Variants in IFT27 observed in about 807,000 individuals in gnomAD.
IFT27 encodes intraflagellar transport 27.
IFT27 carries 19 observed loss-of-function variants against 23.9 expected under a neutral mutation model. The observed-to-expected ratio is 0.79, with a 90% CI of 0.55 to 1.16. The LOEUF (loss-of-function observed/expected upper bound fraction) is 1.16. IFT27 is among the 50% of genes most tolerant of loss of function. The pLI, the probability that IFT27 is intolerant of heterozygous loss-of-function variation, is 0.00. For synonymous variants in IFT27, 91 were observed against 89.1 expected (o/e 1.02, Z -0.12); for missense variants, 206 against 228.7 (o/e 0.90, Z 0.64).
chr22:36,771,114 G>A (rs553043214), intron 1 of IFT27, among the ~76,000 whole-genome samples: 168 of 152,214 alleles, frequency 1.1e-3, no homozygotes, highest in African/African-American at 3.6e-3. Flanking sequence ...AGGAAACAGC[G>A]CCAGCGGGCA....
At chr22:36,768,712 C>CTTTG (rs1240595126) in intron 1 of IFT27, among the ~76,000 whole-genome samples, 2 of 152,236 alleles carry the variant, frequency 1.3e-5, no homozygotes, top group African/African-American at 4.8e-5. Context: ...CCCTGCCCAT[C>CTTTG]TTTAATTCCC....
chr22:36,766,379 CAG>C (rs1403903384), intron 3 of IFT27, 182 bp from the exon 4 acceptor site: 23 of 610,724 alleles, frequency 3.8e-5, no homozygotes, highest in Non-Finnish European at 6.2e-5. Flanking sequence ...GAGCGAACTC[CAG>C]AGTCTTAGAG....
At position 36,767,821 on chromosome 22, in the gene IFT27, G is replaced by A. The variant is rs956842146; in HGVS notation, c.76C>T (p.Arg26Cys). The change falls in exon 2 of 7, where the codon CGC becomes TGC. Residue 26 changes from arginine (R) to cysteine (C), a missense_variant. By Grantham distance (180) the Arg-to-Cys change is radical. Coordinates refer to ENST00000433985, the MANE Select transcript of IFT27 (RefSeq NM_001177701.3). Reference protein sequence around the residue: ...VGKTALAQIFRSDGAHFQKSY... With the variant: ...VGKTALAQIFCSDGAHFQKSY... ...TTCTGGAAATGGGCTCCATCACTGC[G>A]GAAGATCTGTGCCAGGGCGGTCTTG... The A allele has an allele frequency of 1.2e-5, 20 of 1,614,174 alleles. No homozygotes were observed. Among genetic ancestry groups the A allele is most frequent in the Middle Eastern group, 3.3e-4 (2 of 6,062 alleles).
intron 6 of IFT27, chr22:36,758,641 G>A: frequency 1.8e-6 from 1 of 550,626 alleles, no homozygotes; most frequent in Non-Finnish European, 3.3e-6. Context: ...CTTGTGAATG[G>A]TGGAGCTGGG....
intron 1 of IFT27, among the ~76,000 whole-genome samples, chr22:36,774,449 G>A (rs574349036): frequency 6.6e-6 from 1 of 152,290 alleles, no homozygotes; most frequent in South Asian, 2.1e-4. Context: ...CTGAAATCCT[G>A]CATAGGGCCT....
chr22:36,775,771 G>A lies in IFT27; in HGVS notation c.-64C>T. 1.3e-6 allele frequency: 2 copies of A among 1,560,782 alleles called. No homozygotes were observed. Among genetic ancestry groups the A allele is most frequent in the South Asian group, 2.2e-5 (2 of 90,036 alleles). On this transcript the variant is annotated 5_prime_UTR_variant, in exon 1 of 7. Coordinates refer to ENST00000433985, the MANE Select transcript of IFT27 (RefSeq NM_001177701.3). Reference sequence around the variant, plus strand: ...GAGCGGCTGCTAGAGACGCGAGTGGGTGGGCTTCGGGCCCTGGGCTGGCCT... The same window carrying A: ...GAGCGGCTGCTAGAGACGCGAGTGGATGGGCTTCGGGCCCTGGGCTGGCCT...
intron 1 of IFT27, among the ~76,000 whole-genome samples, chr22:36,770,330 G>T (rs967151536): frequency 6.6e-6 from 1 of 152,104 alleles, no homozygotes; most frequent in East Asian, 1.9e-4. Flanking sequence ...TGGCCTCAGT[G>T]ACCCTGCCCT....
At chr22:36,773,254 G>A (rs968946510) in intron 1 of IFT27, among the ~76,000 whole-genome samples, 2 of 152,186 alleles carry the variant, frequency 1.3e-5, no homozygotes, top group Admixed American at 6.5e-5. Flanking sequence ...GGCTGCTCGG[G>A]AGGCTGAGGC....
Position 36,763,914 on chromosome 22 carries a change from C to T in IFT27, c.352+5G>A, listed in dbSNP as rs369205589. On this transcript the variant is annotated splice_donor_5th_base_variant and intron_variant, in intron 5 of 6. Coordinates refer to ENST00000433985, the MANE Select transcript of IFT27 (RefSeq NM_001177701.3). ...CTGGGAAACATGGGTGTCTGCAGCC[C>T]GTACCTGGGAGAGAGATGCCTGGAG... The T allele has an allele frequency of 1.2e-4, 198 of 1,596,908 alleles. 2 individuals are homozygous for T. The South Asian group carries it at 1.3e-3, about 10-fold the overall frequency.
chr22:36,763,434 C>T (rs1198947004), intron 5 of IFT27: 1 of 266,154 alleles, frequency 3.8e-6, no homozygotes, highest in Non-Finnish European at 7.2e-6. Flanking sequence ...GTTCAGCTCC[C>T]AGCTGCATCA....
At chr22:36,765,206 A>G (rs1347393067) in intron 4 of IFT27, among the ~76,000 whole-genome samples, 1 of 152,220 alleles carries the variant, frequency 6.6e-6, no homozygotes, top group Admixed American at 6.5e-5. Context: ...TTTTAACTCA[A>G]GAAATCCTCC....
intron 2 of IFT27, 33 bp downstream of exon 2, chr22:36,767,750 A>G (rs1938290287): frequency 6.4e-7 from 1 of 1,572,466 alleles, no homozygotes; most frequent in Non-Finnish European, 8.8e-7. Context: ...ACTTCTCTAT[A>G]AGCTGTGGCC....
intron 3 of IFT27, among the ~76,000 whole-genome samples, chr22:36,766,747 C>T (rs1186993796): frequency 2.0e-5 from 3 of 152,148 alleles, no homozygotes; most frequent in South Asian, 4.2e-4. Flanking sequence ...ATGTGAGAAC[C>T]CCCAGGGCTG....
chr22:36,760,248 G>A (rs1938048882), intron 6 of IFT27: 1 of 152,250 alleles, frequency 6.6e-6, no homozygotes, highest in Non-Finnish European at 1.5e-5. Flanking sequence ...GAAAAAGACT[G>A]AGGCCTGCAT....
chr22:36,765,447 C>A (rs945125251), intron 4 of IFT27, among the ~76,000 whole-genome samples: 7 of 152,158 alleles, frequency 4.6e-5, no homozygotes, highest in Non-Finnish European at 1.0e-4. Context: ...ATGCATGAAG[C>A]CAACCCTGTA....
intron 1 of IFT27, chr22:36,768,149 C>T (rs761295085): frequency 3.3e-5 from 18 of 542,542 alleles, no homozygotes; most frequent in South Asian, 2.2e-4. Flanking sequence ...GCCCTGGAAA[C>T]GGAACTGACG....
intron 1 of IFT27, among the ~76,000 whole-genome samples, chr22:36,773,715 T>C (rs1384603887): frequency 2.0e-5 from 3 of 151,588 alleles, no homozygotes; most frequent in Admixed American, 1.3e-4. Flanking sequence ...ACAGAGTAGC[T>C]TGGGCTAAAG....
Position 36,776,031 on chromosome 22 carries a change from C to G in IFT27, c.-324G>C. 2.2e-6 allele frequency: 1 copy of G among 464,826 alleles called. No individual in the cohort carries two copies. The highest frequency in any genetic ancestry group is 4.0e-6 in the Non-Finnish European group (1 of 252,980). 28.8% of individuals were successfully genotyped at this position (464,826 alleles called of 1,614,324 possible). On this transcript the variant is annotated 5_prime_UTR_variant, in exon 1 of 7. Coordinates refer to ENST00000433985, the MANE Select transcript of IFT27 (RefSeq NM_001177701.3). ...GCCCAGCCCCTCAGCACAGCCCTAC[C>G]CAGAGGGTTCAAGGAAGGACGATCC...
Position 36,764,001 on chromosome 22 carries a change from A to G in IFT27, c.270T>C (p.Asp90=). 2.5e-6 allele frequency: 4 copies of G among 1,614,198 alleles called. No homozygotes were observed. The highest frequency in any genetic ancestry group is 3.4e-6 in the Non-Finnish European group (4 of 1,179,980). The change falls in exon 5 of 7, where the codon GAT becomes GAC. Residue 90 remains aspartate, a synonymous_variant. Coordinates refer to ENST00000433985, the MANE Select transcript of IFT27 (RefSeq NM_001177701.3). ...ESPNVLCLVY[D]VTNEESFNNC... ...TGTTGAAGGATTCTTCATTGGTCACATCATAGACGAGACATAAGACATTGG... is the reference window on the plus strand; with the variant it reads ...TGTTGAAGGATTCTTCATTGGTCACGTCATAGACGAGACATAAGACATTGG...
Sources: allele counts gnomAD v4.1 joint callset (sites outside exome capture counted in the v4.1 genomes callset), GRCh38; gene constraint gnomAD v4.1.1; transcripts MANE v1.5; gene names NCBI Gene and HGNC (gene_info 2026-07-23, HGNC 2026-07-21).